The following PTPN14 variants were observed in gnomAD, a reference collection of about 807,000 sequenced individuals.
The protein encoded by PTPN14 is tyrosine-protein phosphatase non-receptor type 14.
Under a neutral mutation model 126.8 loss-of-function variants are expected in PTPN14, and 53 were observed. The observed-to-expected ratio is 0.42, with a 90% confidence interval of 0.34 to 0.53. The LOEUF (loss-of-function observed/expected upper bound fraction) is 0.53. Ranked by LOEUF, PTPN14 falls within the 20% of genes least tolerant of loss-of-function variation. PTPN14 has a pLI of 0.08. For missense variants in PTPN14, 1,257 were observed against 1,552.9 expected (o/e 0.81, Z 3.20); for synonymous variants, 630 against 599.3 (o/e 1.05, Z -0.75).
chr1:214,402,786 C>T, intron 6 of PTPN14, 97 bp downstream of exon 6: 2 of 1,378,626 alleles, frequency 1.5e-6, no homozygotes, highest in Non-Finnish European at 2.0e-6. Flanking sequence ...TGTGTTGGCT[C>T]AAGCCCAGAG....
At chr1:214,433,656 T>C (rs1216290862) in intron 3 of PTPN14, among the ~76,000 whole-genome samples, 1 of 151,708 alleles carries the variant, frequency 6.6e-6, no homozygotes, top group African/African-American at 2.4e-5. Context: ...AAGAAAAAGG[T>C]TGTATTCTGC....
intron 2 of PTPN14, among the ~76,000 whole-genome samples, chr1:214,459,472 C>CAT (rs1553268615): frequency 1.8e-5 from 2 of 108,656 alleles, no homozygotes; most frequent in African/African-American, 6.5e-5. Flanking sequence ...TCTTTTCTTT[C>CAT]TTTTTTTTTT....
At chr1:214,378,605 C>A (rs1658401021) in intron 13 of PTPN14, among the ~76,000 whole-genome samples, 2 of 152,224 alleles carry the variant, frequency 1.3e-5, no homozygotes, top group South Asian at 2.1e-4. Flanking sequence ...AAGTTTCCGT[C>A]CTGAGGGGCT....
At chr1:214,360,868 G>C (rs1657939540) in intron 18 of PTPN14, among the ~76,000 whole-genome samples, 1 of 152,332 alleles carries the variant, frequency 6.6e-6, no homozygotes, top group East Asian at 1.9e-4. Context: ...GAGGGACCTG[G>C]TGGGAGGTGA....
In PTPN14 at chr1:214,498,694, C is replaced by T. The variant is rs191459091; in HGVS notation, c.-154-33737G>A. On this transcript the variant is annotated intron_variant, in intron 1 of 18. Transcript: ENST00000366956. ...TCAAAGCCAATAGTCTACACGGCAC[C>T]ACAATATATTGCTGATAATTTGGTA... is the stretch of plus-strand genomic sequence containing the variant. Among the ~76,000 whole-genome samples the T allele has an allele frequency of 1.0e-3, 153 of 152,234 alleles. 1 individual carries two copies. Among genetic ancestry groups the T allele is most frequent in the African/African-American group, 3.4e-3 (141 of 41,554 alleles).
intron 1 of PTPN14, among the ~76,000 whole-genome samples, chr1:214,506,953 T>TA (rs1236664671): frequency 2.6e-5 from 4 of 151,840 alleles, no homozygotes; most frequent in African/African-American, 9.7e-5. Context: ...AGGACCACTT[T>TA]ATATTGTCTC....
At chr1:214,420,473 T>C (rs771632807) in intron 3 of PTPN14, among the ~76,000 whole-genome samples, 2 of 152,208 alleles carry the variant, frequency 1.3e-5, no homozygotes, top group Non-Finnish European at 2.9e-5. Flanking sequence ...AATATTTGTT[T>C]AAATGCATAC....
At chr1:214,483,071 TCACAGACATTTTCAAAA>T in intron 1 of PTPN14, 1 of 1,610,798 alleles carries the variant, frequency 6.2e-7, no homozygotes. Context: ...CAAATCCAGT[TCACAGACATTTTCAAAA>T]CATTTGTCTA....
chr1:214,455,091 T>C (rs745760000), intron 2 of PTPN14, among the ~76,000 whole-genome samples: 11 of 152,096 alleles, frequency 7.2e-5, no homozygotes, highest in Non-Finnish European at 1.3e-4. Context: ...ATACAGCACA[T>C]GTTTATTCTC....
intron 15 of PTPN14, among the ~76,000 whole-genome samples, chr1:214,375,308 A>G (rs947254069): frequency 1.3e-5 from 2 of 152,230 alleles, no homozygotes; most frequent in Admixed American, 6.5e-5. Flanking sequence ...GAAAAGTCCA[A>G]TGAGGAAAGT....
chr1:214,411,801 G>A lies in PTPN14; in HGVS notation c.443-50C>T, dbSNP rs540466847. 1.2e-3 allele frequency: 1,471 copies of A among 1,259,744 alleles called. 24 individuals are homozygous for A. The South Asian group carries it at 0.019, about 16-fold the overall frequency. 78.0% of individuals were successfully genotyped at this position (1,259,744 alleles called of 1,614,324 possible). On this transcript the variant is annotated intron_variant, in intron 4 of 18. Coordinates refer to ENST00000366956, the MANE Select transcript of PTPN14 (RefSeq NM_005401.5). ...GCAGTATTTATTATATGAAATTAAAGATGGAATAAAATAGGGCAAACTCAT... is the reference window on the plus strand; with the variant it reads ...GCAGTATTTATTATATGAAATTAAAAATGGAATAAAATAGGGCAAACTCAT...
At chr1:214,435,942 A>G (rs181315837) in intron 3 of PTPN14, among the ~76,000 whole-genome samples, 1 of 152,182 alleles carries the variant, frequency 6.6e-6, no homozygotes, top group African/African-American at 2.4e-5. Flanking sequence ...ACACATGCAC[A>G]TGTACGTTCA....
At chr1:214,467,874 G>T (rs139188693) in intron 1 of PTPN14, among the ~76,000 whole-genome samples, 1 of 152,026 alleles carries the variant, frequency 6.6e-6, no homozygotes, top group African/African-American at 2.4e-5. Flanking sequence ...TGCAAGATAC[G>T]GTATCAACAA....
At chr1:214,462,457 T>C (rs139229368) in intron 2 of PTPN14, among the ~76,000 whole-genome samples, 3 of 152,216 alleles carry the variant, frequency 2.0e-5, no homozygotes, top group African/African-American at 7.2e-5. Context: ...CTCTTTCACA[T>C]CCTTGGATCT....
At chr1:214,425,154 C>A (rs1305892463) in intron 3 of PTPN14, among the ~76,000 whole-genome samples, 1 of 152,112 alleles carries the variant, frequency 6.6e-6, no homozygotes, top group African/African-American at 2.4e-5. Context: ...AAGGCGGGAA[C>A]CACCTCTCTC....
At chr1:214,507,261 G>A (rs1027711435) in intron 1 of PTPN14, among the ~76,000 whole-genome samples, 4 of 152,130 alleles carry the variant, frequency 2.6e-5, no homozygotes, top group Admixed American at 6.5e-5. Context: ...ATGTTGCAGG[G>A]ATTAACCATT....
chr1:214,419,372 T>C (rs911024821), intron 3 of PTPN14, among the ~76,000 whole-genome samples: 3 of 152,138 alleles, frequency 2.0e-5, no homozygotes, highest in African/African-American at 7.2e-5. Context: ...AGTAGGGATG[T>C]GACAATTTGG....
At chr1:214,530,584 CA>C (rs1655520629) in intron 1 of PTPN14, 1 of 152,180 alleles carries the variant, frequency 6.6e-6, no homozygotes, top group Non-Finnish European at 1.5e-5. Flanking sequence ...TCAAGCAATC[CA>C]CCCACACTGA....
Position 214,414,673 on chromosome 1 carries a change from C to T in PTPN14, c.398G>A (p.Cys133Tyr), listed in dbSNP as rs572475311. ...KKDVLEGRLR[C>Y]TLDQVIRLAG... The stretch of plus-strand genomic sequence containing the variant: ...TAGCCGAATCACCTGGTCCAATGTA[C>T]ATCGTAATCGCCCTTCAAGCACATC... Residue 133 changes from cysteine (C) to tyrosine (Y), a missense_variant, in exon 4 of 19, where the codon TGT becomes TAT. Transcript: ENST00000366956. 49 of 1,614,122 alleles carry T rather than the reference C, an allele frequency of 3.0e-5. No homozygotes were observed. The highest frequency in any genetic ancestry group is 1.2e-4 in the African/African-American group (9 of 75,046).
Sources: allele counts gnomAD v4.1 joint callset (sites outside exome capture counted in the v4.1 genomes callset), GRCh38; gene constraint gnomAD v4.1.1; transcripts MANE v1.5; gene names NCBI Gene and HGNC (gene_info 2026-07-23, HGNC 2026-07-21).